Variants in NDRG4 observed in about 807,000 individuals in gnomAD.
NDRG4 encodes the protein NDRG family member 4.
A neutral mutation model predicts 55.8 loss-of-function variants in NDRG4; 38 were observed. The observed-to-expected ratio is 0.68, with a 90% CI of 0.53 to 0.89. NDRG4 has a LOEUF of 0.89. Among genes scored for constraint, NDRG4 ranks in the 40% least tolerant of loss-of-function variants. NDRG4 has a pLI of 0.00. For missense variants in NDRG4, 455 were observed against 468.6 expected (o/e 0.97, Z 0.27); for synonymous variants, 190 against 182.7 (o/e 1.04, Z -0.32).
At chr16:58,487,894 C>A in intron 2 of NDRG4, 1 of 1,425,200 alleles carries the variant, frequency 7.0e-7, no homozygotes, top group South Asian at 1.4e-5. Context: ...CCGAGCGCGC[C>A]ACCTCGTGGC....
intron 5 of NDRG4, 65 bp from the exon 6 acceptor site, chr16:58,506,313 AAGACTTTAC>A: frequency 6.9e-7 from 1 of 1,445,074 alleles, no homozygotes; most frequent in Non-Finnish European, 9.7e-7. Flanking sequence ...CAGCACCTTG[AAGACTTTAC>A]AGAGTGTTTC....
intron 1 of NDRG4, among the ~76,000 whole-genome samples, chr16:58,485,304 A>G (rs1388936149): frequency 6.6e-6 from 1 of 152,138 alleles, no homozygotes; most frequent in East Asian, 1.9e-4. Context: ...TCATGGGCTG[A>G]GACATTCCCG....
intron 13 of NDRG4, 68 bp downstream of exon 13, chr16:58,509,420 C>A: frequency 1.9e-6 from 3 of 1,551,152 alleles, no homozygotes; most frequent in African/African-American, 2.7e-5. Context: ...GGGGTTGGGG[C>A]TCCTGTTTGC....
intron 2 of NDRG4, among the ~76,000 whole-genome samples, chr16:58,492,544 GTGT>G (rs2035923757): frequency 1.2e-5 from 1 of 84,828 alleles, no homozygotes; most frequent in African/African-American, 3.8e-5. Context: ...GTGTGTGTGT[GTGT>G]GTGTGAGAGA....
At chr16:58,496,598 T>G (rs2036437894), upstream of NDRG4, among the ~76,000 whole-genome samples, 1 of 151,742 alleles carries the variant, frequency 6.6e-6, no homozygotes, top group Non-Finnish European at 1.5e-5. Flanking sequence ...CAGACAGACC[T>G]AGGTTCTGGC....
In NDRG4 at chr16:58,511,463, G is replaced by A. The variant is rs143311381; in HGVS notation, c.946G>A (p.Ala316Thr). 6.2e-7 allele frequency: 1 copy of A among 1,612,662 alleles called. No homozygotes were observed. Among genetic ancestry groups the A allele is most frequent in the Non-Finnish European group, 8.5e-7 (1 of 1,179,892 alleles). ...GACCCGCCTGGCACGCTCCCGCACT[G>A]CATCCCTCACCAGTGCCAGCTCGGT... ...SMTRLARSRT[A>T]SLTSASSVDG... Residue 316 changes from alanine to threonine, a missense_variant, in exon 15 of 15, where the codon GCA becomes ACA. Physicochemically the swap from Ala to Thr is moderately conservative, Grantham distance 58 (BLOSUM62 0). Transcript: ENST00000570248.
At chr16:58,465,143 C>T in intron 1 of NDRG4, 1 of 1,275,498 alleles carries the variant, frequency 7.8e-7, no homozygotes, top group Non-Finnish European at 1.0e-6. Context: ...TGTGGAGAGA[C>T]CCAGACAGGA....
Position 58,508,652 on chromosome 16 carries a change from C to T in NDRG4, c.730-310C>T, listed in dbSNP as rs1031546526. 9.2e-5 allele frequency among the ~76,000 whole-genome samples: 14 copies of T among 152,298 alleles called. No homozygotes were observed. The East Asian group carries it at 2.1e-3, about 23-fold the overall frequency. On this transcript the variant is annotated intron_variant, in intron 10 of 14. Transcript: ENST00000570248. Reference sequence around the variant, plus strand: ...CCCTCGGCACCCCTCACCTCACTGCCGAGGGCACTGGGGCTTTCCCAGGCC... The same window carrying T: ...CCCTCGGCACCCCTCACCTCACTGCTGAGGGCACTGGGGCTTTCCCAGGCC...
At chr16:58,486,383 C>T (rs1430733204) in intron 1 of NDRG4, among the ~76,000 whole-genome samples, 3 of 151,772 alleles carry the variant, frequency 2.0e-5, no homozygotes, top group Non-Finnish European at 4.4e-5. Context: ...TGGTCCTGAA[C>T]CTCTGGGCTC....
chr16:58,509,916 G>GT (rs2038565312), intron 13 of NDRG4, among the ~76,000 whole-genome samples: 1 of 151,968 alleles, frequency 6.6e-6, no homozygotes, highest in Admixed American at 6.6e-5. Flanking sequence ...TGGGTCTGGG[G>GT]TGGAACCAGG....
chr16:58,503,669 T>G, intron 1 of NDRG4, 129 bp from the exon 2 acceptor site: 1 of 1,536,914 alleles, frequency 6.5e-7, no homozygotes, highest in Non-Finnish European at 8.7e-7. Flanking sequence ...CTTGGGGTGA[T>G]GAGAACAGGA....
chr16:58,487,858 G>C, intron 2 of NDRG4: 1 of 1,529,940 alleles, frequency 6.5e-7, no homozygotes, highest in Non-Finnish European at 8.8e-7. Context: ...CTGGTGAGTT[G>C]GAGTCGCGCC....
chr16:58,477,127 A>ATGTGATATATATATG (rs1239145363), intron 1 of NDRG4, among the ~76,000 whole-genome samples: 3 of 151,260 alleles, frequency 2.0e-5, no homozygotes, highest in Non-Finnish European at 2.9e-5. Context: ...TATGATATAT[A>ATGTGATATATATATG]TGTGATATAT....
chr16:58,501,036 C>T (rs2037017365), intron 1 of NDRG4: 2 of 1,243,188 alleles, frequency 1.6e-6, no homozygotes, highest in Admixed American at 4.2e-5. Context: ...GCTAGGGGAC[C>T]CCAGGTGGAG....
chr16:58,504,012 C>A, intron 2 of NDRG4, 109 bp downstream of exon 2: 1 of 1,548,906 alleles, frequency 6.5e-7, no homozygotes, highest in Non-Finnish European at 8.8e-7. Context: ...ACACTCACCT[C>A]TGTTGCCTTC....
At chr16:58,491,476 T>G (rs2035784313) in intron 2 of NDRG4, among the ~76,000 whole-genome samples, 1 of 151,980 alleles carries the variant, frequency 6.6e-6, no homozygotes, top group African/African-American at 2.4e-5. Flanking sequence ...TTCATTTTAT[T>G]TAAGACAGAG....
At chr16:58,508,230 T>G (rs1457789172) in intron 10 of NDRG4, among the ~76,000 whole-genome samples, 1 of 152,202 alleles carries the variant, frequency 6.6e-6, no homozygotes, top group Non-Finnish European at 1.5e-5. Flanking sequence ...GGGCCAGGGC[T>G]GGGCCATCAG....
intron 7 of NDRG4, 122 bp downstream of exon 7, chr16:58,506,736 C>A: frequency 1.6e-6 from 2 of 1,269,898 alleles, no homozygotes; most frequent in Non-Finnish European, 2.2e-6. Context: ...GCTAAGCCAT[C>A]TGAAAGACAG....
intron 2 of NDRG4, chr16:58,487,891 C>A: frequency 6.9e-7 from 1 of 1,441,280 alleles, no homozygotes. Flanking sequence ...GGGCCGAGCG[C>A]GCCACCTCGT....
Sources: allele counts gnomAD v4.1 joint callset (sites outside exome capture counted in the v4.1 genomes callset), GRCh38; gene constraint gnomAD v4.1.1; transcripts MANE v1.5; gene names NCBI Gene and HGNC (gene_info 2026-07-23, HGNC 2026-07-21).